Variants in PPP2R5C observed in about 807,000 individuals in gnomAD.
PPP2R5C encodes serine/threonine-protein phosphatase 2A 56 kDa regulatory subunit gamma isoform.
A neutral mutation model predicts 68.9 loss-of-function variants in PPP2R5C; 7 were observed. That is an observed-to-expected ratio of 0.10 (90% CI 0.06 to 0.19). The LOEUF (loss-of-function observed/expected upper bound fraction) is 0.19, where lower values mean the gene tolerates loss of function less well. Ranked by LOEUF, PPP2R5C falls within the 10% of genes least tolerant of loss-of-function variation. PPP2R5C has a pLI of 1.00. For missense variants in PPP2R5C, 348 were observed against 641.3 expected, an observed-to-expected ratio of 0.54 and a Z score of 4.94; for synonymous variants, 210 against 222.2, an observed-to-expected ratio of 0.95 and a Z score of 0.49.
intron 5 of PPP2R5C, among the ~76,000 whole-genome samples, chr14:101,887,085 T>C (rs550442402): frequency 6.6e-6 from 1 of 152,212 alleles, no homozygotes; most frequent in Non-Finnish European, 1.5e-5. Flanking sequence ...GAAAAAACAT[T>C]TTGAACATAT....
chr14:101,821,452 G>GGTGT (rs71116851), intron 1 of PPP2R5C, among the ~76,000 whole-genome samples: 46,726 of 119,146 alleles, frequency 0.39, 9,251 homozygotes, highest in South Asian at 0.53. Context: ...TGGGTGGGTG[G>GGTGT]GTGTGTGTGT....
chr14:101,800,708 C>G (rs2140137289), intron 3 of PPP2R5C, among the ~76,000 whole-genome samples: 1 of 151,142 alleles, frequency 6.6e-6, no homozygotes, highest in East Asian at 1.9e-4. Context: ...ATCCTACAGC[C>G]TTACTGCTGG....
chr14:101,783,776 C>T (rs1252535338), intron 2 of PPP2R5C, among the ~76,000 whole-genome samples: 1 of 152,194 alleles, frequency 6.6e-6, no homozygotes, highest in East Asian at 1.9e-4. Context: ...GCTGTGAGTG[C>T]TGGGCTGGCA....
intron 2 of PPP2R5C, among the ~76,000 whole-genome samples, chr14:101,866,018 C>G (rs1334816936): frequency 6.6e-6 from 1 of 152,186 alleles, no homozygotes; most frequent in Non-Finnish European, 1.5e-5. Context: ...CCTCAGCCTC[C>G]CAAGTAGCTG....
At chr14:101,806,948 C>A (rs2039102574), upstream of PPP2R5C, among the ~76,000 whole-genome samples, 1 of 152,130 alleles carries the variant, frequency 6.6e-6, no homozygotes, top group African/African-American at 2.4e-5. Context: ...GGTGACAGAG[C>A]AGGACCCTGC....
intron 2 of PPP2R5C, among the ~76,000 whole-genome samples, chr14:101,872,553 G>C (rs2043494362): frequency 6.6e-6 from 1 of 152,128 alleles, no homozygotes; most frequent in South Asian, 2.1e-4. Flanking sequence ...TGAAAGATCT[G>C]CTTGCTGGTA....
chr14:101,843,894 C>T lies in PPP2R5C; in HGVS notation c.95-12792C>T. ...AGTGCCATCCATTGATACACACGGG[C>T]CCTGAACCACACTTCACCCACAACG... On this transcript the variant is annotated intron_variant, in intron 1 of 13. Coordinates refer to ENST00000334743, the Ensembl canonical transcript of PPP2R5C. 2 of 171,018 alleles carry T rather than the reference C, an allele frequency of 1.2e-5. 1 individual carries two copies. 10.6% of individuals were successfully genotyped at this position (171,018 alleles called of 1,614,324 possible).
chr14:101,786,941 C>T (rs1370913672), intron 3 of PPP2R5C, among the ~76,000 whole-genome samples: 1 of 152,174 alleles, frequency 6.6e-6, no homozygotes, highest in East Asian at 1.9e-4. Flanking sequence ...GGATCTTTTA[C>T]AATTAATTTC....
At position 101,888,577 on chromosome 14, in the gene PPP2R5C, GTGT is replaced by G. The variant is rs2044665809; in HGVS notation, c.630-1655_630-1653del. Reference sequence around the variant, plus strand: ...AAGAGCAGATCTCAGTTTTTCTGTTGTGTTGTTTTGTTTTGTTTTGTTTTGTTT... The same window carrying G: ...AAGAGCAGATCTCAGTTTTTCTGTTGTGTTTTGTTTTGTTTTGTTTTGTTT... On this transcript the variant is annotated intron_variant, in intron 5 of 13. Transcript: ENST00000334743. This position sits in a 1 kb window ranked among gnomAD's most constrained non-coding sequence, Gnocchi z 5.6. Among the ~76,000 whole-genome samples the G allele has an allele frequency of 2.0e-5, 3 of 151,228 alleles. No homozygotes were observed. The highest frequency in any genetic ancestry group is 1.3e-4 in the Admixed American group (2 of 15,200).
intron 2 of PPP2R5C, among the ~76,000 whole-genome samples, chr14:101,874,136 C>T (rs1261854527): frequency 1.3e-5 from 2 of 152,114 alleles, no homozygotes; most frequent in African/African-American, 2.4e-5. Context: ...TAATTTCATA[C>T]GTCATTTGGG....
At chr14:101,924,210 T>A (rs994169794) in intron 13 of PPP2R5C, among the ~76,000 whole-genome samples, 4 of 152,146 alleles carry the variant, frequency 2.6e-5, no homozygotes, top group Non-Finnish European at 5.9e-5. Flanking sequence ...TTTTGATATG[T>A]AAACTCTCCA....
At chr14:101,894,210 C>G (rs1405250544) in intron 7 of PPP2R5C, among the ~76,000 whole-genome samples, 1 of 152,152 alleles carries the variant, frequency 6.6e-6, no homozygotes. Flanking sequence ...TTAGATGACT[C>G]GTTGATTGTA....
intron 2 of PPP2R5C, among the ~76,000 whole-genome samples, chr14:101,861,822 G>GA (rs1595400378): frequency 6.6e-6 from 1 of 152,198 alleles, no homozygotes; most frequent in Non-Finnish European, 1.5e-5. Flanking sequence ...GGCATCTTCT[G>GA]AAAAAATAAG....
At chr14:101,912,731 G>A in intron 12 of PPP2R5C, 1 of 601,486 alleles carries the variant, frequency 1.7e-6, no homozygotes. Flanking sequence ...CATATACTGT[G>A]GTAAAAAGAA....
At position 101,906,979 on chromosome 14, in the gene PPP2R5C, A is replaced by T. The variant is rs777852456; in HGVS notation, c.1151+450A>T. 6.6e-6 allele frequency among the ~76,000 whole-genome samples: 1 copy of T among 152,148 alleles called. No individual in the cohort carries two copies. The highest frequency in any genetic ancestry group is 1.5e-5 in the Non-Finnish European group (1 of 68,010). On this transcript the variant is annotated intron_variant, in intron 10 of 13. Coordinates refer to ENST00000334743, the Ensembl canonical transcript of PPP2R5C. This position sits in a 1 kb window ranked among gnomAD's most constrained non-coding sequence, Gnocchi z 4.0. ...GGTCACTACCTGGAGAAGAAGAGGG[A>T]AGCCAGGTGATCTGAACACAGCCCC...
chr14:101,836,350 A>G (rs985524647), intron 1 of PPP2R5C: 1 of 702,558 alleles, frequency 1.4e-6, no homozygotes, highest in African/African-American at 1.7e-5. Context: ...CCGACCTGCC[A>G]GCCTTCTCCC....
At chr14:101,770,449 T>A (rs1423447425) in intron 2 of PPP2R5C, among the ~76,000 whole-genome samples, 2 of 152,190 alleles carry the variant, frequency 1.3e-5, no homozygotes, top group East Asian at 1.9e-4. Flanking sequence ...GATCTTATTG[T>A]CCTTGAGTGG....
At chr14:101,828,676 C>G (rs77176818) in intron 1 of PPP2R5C, among the ~76,000 whole-genome samples, 1 of 131,064 alleles carries the variant, frequency 7.6e-6, no homozygotes, top group Non-Finnish European at 1.6e-5. Context: ...CACAGATACT[C>G]TTTTTTTTTT....
chr14:101,890,981 C>G (rs1238006936), intron 6 of PPP2R5C, among the ~76,000 whole-genome samples: 3 of 151,936 alleles, frequency 2.0e-5, no homozygotes, highest in Non-Finnish European at 4.4e-5. Context: ...CCATGTTGCC[C>G]AGGCTGGTCT....
Sources: gnomAD v4.1 joint callset for allele counts (sites outside exome capture counted in the v4.1 genomes callset) on GRCh38, gnomAD v4.1.1 for gene constraint, Gnocchi (gnomAD v3.1) non-coding constraint, MANE v1.5 for transcripts, NCBI Gene and HGNC (gene_info 2026-07-23, HGNC 2026-07-21) for gene names.